The following ALAD variants were observed in gnomAD, a reference collection of about 807,000 sequenced individuals.
ALAD encodes the protein delta-aminolevulinic acid dehydratase.
ALAD carries 20 observed loss-of-function variants against 44.4 expected under a neutral mutation model. The ratio of observed to expected loss-of-function variants is 0.45; its 90% confidence interval spans 0.32 to 0.65. ALAD has a LOEUF of 0.65. ALAD is among the 30% of genes least tolerant of loss of function. The pLI, the probability that ALAD is intolerant of heterozygous loss-of-function variation, is 0.05. For missense variants in ALAD, 323 were observed against 445.7 expected (o/e 0.72, Z 2.48); for synonymous variants, 156 against 167.9 (o/e 0.93, Z 0.55).
chr9:113,389,277 G>A (rs767465583), intron 10 of ALAD, among the ~76,000 whole-genome samples, 161 bp downstream of exon 10: 2 of 152,164 alleles, frequency 1.3e-5, no homozygotes, highest in African/African-American at 4.8e-5. Flanking sequence ...TTTGAGGCTC[G>A]TGCAAGCCCC....
intron 10 of ALAD, 70 bp from the exon 11 acceptor site, chr9:113,389,176 C>A: frequency 6.3e-7 from 1 of 1,595,316 alleles, no homozygotes; most frequent in Non-Finnish European, 8.5e-7. Context: ...GTCCCTTCCC[C>A]CCTGCTCAAT....
rs999153439 is a variant in ALAD, at chr9:113,393,716, T to C, written c.-75-82A>G. 4.9e-5 allele frequency: 31 copies of C among 636,722 alleles called. No homozygotes were observed. The African/African-American group carries it at 5.0e-4, about 10-fold the overall frequency. 39.4% of individuals were successfully genotyped at this position (636,722 alleles called of 1,614,324 possible). On this transcript the variant is annotated intron_variant, in intron 1 of 11. Coordinates refer to ENST00000409155, the MANE Select transcript of ALAD (RefSeq NM_000031.6). ...ACATCTGGAAAACAGCTCTTCTAGA[T>C]TCCTGCCTCCCCTCTCTCTAGCCCA... is the stretch of plus-strand genomic sequence containing the variant.
intron 1 of ALAD, among the ~76,000 whole-genome samples, chr9:113,394,377 A>G (rs1827673257): frequency 2.0e-5 from 3 of 151,472 alleles, no homozygotes; most frequent in Admixed American, 6.6e-5. Context: ...GTATCTACAA[A>G]AAGTTTAAAA....
rs1827515744 is a variant in ALAD at position 113,389,666 on chromosome 9, G to A, written c.647C>T (p.Pro216Leu). The A allele has an allele frequency of 2.5e-6, 4 of 1,614,202 alleles. No homozygotes were observed. The highest frequency in any genetic ancestry group is 3.4e-6 in the Non-Finnish European group (4 of 1,180,036). The change falls in exon 9 of 12, where the codon CCA becomes CTA. Residue 216 changes from proline (P) to leucine (L), a missense_variant. Pro to Leu is a moderately conservative substitution (Grantham distance 98). Coordinates refer to ENST00000409155, the MANE Select transcript of ALAD (RefSeq NM_000031.6). ...GPFRDAAKSS[P>L]AFGDRRCYQL... The stretch of plus-strand genomic sequence containing the variant: ...GTAGCAGCGGCGGTCCCCAAAAGCT[G>A]GGCTTGACTTAGCTGCATCCCTGCA...
chr9:113,400,357 G>A (rs1484028266), intron 1 of ALAD, among the ~76,000 whole-genome samples: 3 of 152,188 alleles, frequency 2.0e-5, no homozygotes, highest in African/African-American at 7.2e-5. Flanking sequence ...CTTTGGGTGA[G>A]CCAGACTCTG....
intron 3 of ALAD, 144 bp from the exon 4 acceptor site, chr9:113,391,767 G>A: frequency 2.8e-6 from 2 of 724,524 alleles, no homozygotes; most frequent in Non-Finnish European, 2.5e-6. Flanking sequence ...GAAGGGGCAG[G>A]GATGCATCCA....
intron 1 of ALAD, among the ~76,000 whole-genome samples, chr9:113,399,023 C>A (rs1224100222): frequency 2.0e-5 from 3 of 152,162 alleles, no homozygotes; most frequent in Non-Finnish European, 4.4e-5. Context: ...AAGACAGGAG[C>A]GAGCCGCCAG....
At chr9:113,396,984 C>G in intron 1 of ALAD, 1 of 152,314 alleles carries the variant, frequency 6.6e-6, no homozygotes, top group Non-Finnish European at 1.5e-5. Context: ...GCTGGCAGGC[C>G]TGAGTCCAAC....
intron 1 of ALAD, 61 bp from the exon 2 acceptor site, chr9:113,393,695 C>G: frequency 1.4e-6 from 1 of 705,236 alleles, no homozygotes; most frequent in Non-Finnish European, 2.5e-6. Context: ...ATGGTCACAT[C>G]TGGAAAACAG....
At chr9:113,399,009 A>G (rs1827798637) in intron 1 of ALAD, among the ~76,000 whole-genome samples, 1 of 152,188 alleles carries the variant, frequency 6.6e-6, no homozygotes, top group South Asian at 2.1e-4. Flanking sequence ...ACATTACCAC[A>G]CTGAAGACAG....
At chr9:113,390,707 C>A in intron 5 of ALAD, 31 bp from the exon 6 acceptor site, 1 of 1,608,782 alleles carries the variant, frequency 6.2e-7, no homozygotes, top group South Asian at 1.1e-5. Context: ...TTTTGGGGAG[C>A]ACCTTGGGCC....
At chr9:113,388,490 T>G (rs1564367681) in intron 11 of ALAD, 129 bp from the exon 12 acceptor site, 2 of 840,340 alleles carry the variant, frequency 2.4e-6, no homozygotes, top group Non-Finnish European at 4.1e-6. Context: ...GCACACCACA[T>G]GAGACGGAGC....
At chr9:113,392,816 T>TC (rs1491480614) in intron 2 of ALAD, among the ~76,000 whole-genome samples, 2 of 33,018 alleles carry the variant, frequency 6.1e-5, no homozygotes, top group Non-Finnish European at 1.3e-4. Flanking sequence ...TTGCCATCTC[T>TC]TTTTTTTTTT....
chr9:113,386,438 G>A lies in ALAD; in HGVS notation c.*1862C>T, dbSNP rs1827397592. On this transcript the variant is annotated 3_prime_UTR_variant, in exon 12 of 12. Transcript: ENST00000409155. Reference sequence around the variant, plus strand: ...TTCTGAGCATGTTTAAGGCAGGCTAGGCTAAGCTATGATGTTTGGTAGGTT... The same window carrying A: ...TTCTGAGCATGTTTAAGGCAGGCTAAGCTAAGCTATGATGTTTGGTAGGTT... 1 of 152,176 alleles carries A rather than the reference G, an allele frequency of 6.6e-6. No individual in the cohort carries two copies. Among genetic ancestry groups the A allele is most frequent in the South Asian group, 2.1e-4 (1 of 4,820 alleles). The allele number at this position is 152,176 out of a possible 1,614,324, so 9.4% of individuals were successfully genotyped here.
intron 7 of ALAD, 69 bp from the exon 8 acceptor site, chr9:113,389,897 G>T: frequency 6.3e-7 from 1 of 1,587,146 alleles, no homozygotes. Context: ...ATGTGGCAGG[G>T]AGAGAAAGAA....
intron 2 of ALAD, 25 bp downstream of exon 2, chr9:113,393,422 G>T: frequency 1.3e-6 from 2 of 1,501,344 alleles, no homozygotes; most frequent in East Asian, 4.7e-5. Flanking sequence ...CAGAGCAGAG[G>T]CCTGGCCCAT....
Position 113,392,104 on chromosome 9 carries a change from C to T in ALAD, c.164+15G>A, listed in dbSNP as rs1303239614. On this transcript the variant is annotated intron_variant, in intron 3 of 11. Transcript: ENST00000409155. Reference sequence around the variant, plus strand: ...CCTCCACCACCCGCTGGCCCCCCAACTCCACGTCTCCTACCTGGCCACTCC... The same window carrying T: ...CCTCCACCACCCGCTGGCCCCCCAATTCCACGTCTCCTACCTGGCCACTCC... 1 of 1,604,572 alleles carries T rather than the reference C, an allele frequency of 6.2e-7. No individual in the cohort carries two copies. The highest frequency in any genetic ancestry group is 1.7e-5 in the Admixed American group (1 of 58,494).
rs1186728303 is a variant in ALAD, at chr9:113,392,285, G to A, written c.114-116C>T. On this transcript the variant is annotated intron_variant, in intron 2 of 11. Coordinates refer to ENST00000409155, the MANE Select transcript of ALAD (RefSeq NM_000031.6). ...AGAAATATGGAAGTGGAGATGGTGG[G>A]AGGAGGATGGGATCCAGTGTCTGGC... is the stretch of plus-strand genomic sequence containing the variant. 7 of 1,591,032 alleles carry A rather than the reference G, an allele frequency of 4.4e-6. No homozygotes were observed. The South Asian group carries it at 7.9e-5, about 18-fold the overall frequency.
chr9:113,395,451 G>C (rs1244178969), intron 1 of ALAD, among the ~76,000 whole-genome samples: 2 of 152,168 alleles, frequency 1.3e-5, no homozygotes, highest in East Asian at 3.8e-4. Flanking sequence ...GTCCAGAGTT[G>C]GTTCATTTTT....
Sources: gnomAD v4.1 joint callset for allele counts (sites outside exome capture counted in the v4.1 genomes callset) on GRCh38, gnomAD v4.1.1 for gene constraint, MANE v1.5 for transcripts, NCBI Gene and HGNC (gene_info 2026-07-23, HGNC 2026-07-21) for gene names.